Variants in TMEM248 observed in about 807,000 individuals in gnomAD.
TMEM248 encodes the protein UPF0458 protein C7orf42.
Under a neutral mutation model 30.3 loss-of-function variants are expected in TMEM248, and 9 were observed. The ratio of observed to expected loss-of-function variants is 0.30; its 90% CI spans 0.18 to 0.52. The LOEUF (loss-of-function observed/expected upper bound fraction) is 0.52, where lower values mean the gene tolerates loss of function less well. Ranked by LOEUF, TMEM248 falls within the 20% of genes least tolerant of loss-of-function variation. TMEM248 has a pLI of 0.97. For synonymous variants in TMEM248, 184 were observed against 154.4 expected, an observed-to-expected ratio of 1.19 and a Z score of -1.42; for missense variants, 338 against 403.3, an observed-to-expected ratio of 0.84 and a Z score of 1.39.
chr7:66,951,522 TG>T (rs1024040782), intron 5 of TMEM248, among the ~76,000 whole-genome samples: 4 of 152,138 alleles, frequency 2.6e-5, no homozygotes, highest in African/African-American at 7.2e-5. Flanking sequence ...CTTAGAGTTC[TG>T]AAAGATAGAA....
At position 66,928,181 on chromosome 7, in the gene TMEM248, C is replaced by G. The variant is rs560948350; in HGVS notation, c.-19+6720C>G. ...AGTGAGCTGAGATTGTGCCATTGCACTCCAGCCTGGGTGATGAGAGTGAAA... is the reference window on the plus strand; with the variant it reads ...AGTGAGCTGAGATTGTGCCATTGCAGTCCAGCCTGGGTGATGAGAGTGAAA... On this transcript the variant is annotated intron_variant, in intron 1 of 6. Coordinates refer to ENST00000341567, the MANE Select transcript of TMEM248 (RefSeq NM_017994.5). Among the ~76,000 whole-genome samples the G allele has an allele frequency of 1.2e-3, 180 of 152,156 alleles. 1 individual carries two copies. Among genetic ancestry groups the G allele is most frequent in the African/African-American group, 4.2e-3 (173 of 41,496 alleles).
rs1450123424 is a variant in TMEM248 at position 66,956,690 on chromosome 7, T to G, written c.*1168T>G. The G allele has an allele frequency of 6.6e-6, 1 of 151,952 alleles. No individual in the cohort carries two copies. Among genetic ancestry groups the G allele is most frequent in the Non-Finnish European group, 1.5e-5 (1 of 67,956 alleles). 9.4% of individuals were successfully genotyped at this position (151,952 alleles called of 1,614,324 possible). A position where few individuals can be genotyped will look rare whatever the true frequency, so the allele number is the denominator to read the frequency against. On this transcript the variant is annotated 3_prime_UTR_variant, in exon 7 of 7. Coordinates refer to ENST00000341567, the MANE Select transcript of TMEM248 (RefSeq NM_017994.5). ...TTCTTATAACTTTTTTTCTTTTTCT[T>G]TTTTTTTGGAGGGGGGAGGCAGGGT...
intron 6 of TMEM248, among the ~76,000 whole-genome samples, chr7:66,953,861 C>T (rs1385446347): frequency 6.6e-6 from 1 of 151,948 alleles, no homozygotes; most frequent in African/African-American, 2.4e-5. Flanking sequence ...CCGCCTTGGC[C>T]TCCCAAAGTG....
At chr7:66,923,186 C>A (rs918198805) in intron 1 of TMEM248, among the ~76,000 whole-genome samples, 1 of 151,702 alleles carries the variant, frequency 6.6e-6, no homozygotes, top group Admixed American at 6.6e-5. Flanking sequence ...TGCTCTGTTG[C>A]CTAGGCTGGA....
intron 1 of TMEM248, among the ~76,000 whole-genome samples, chr7:66,938,260 T>A (rs1201536163): frequency 6.6e-6 from 1 of 152,184 alleles, no homozygotes; most frequent in African/African-American, 2.4e-5. Context: ...CCTTCCTGTC[T>A]TCATTTTAGT....
At chr7:66,927,355 T>C (rs779082100) in intron 1 of TMEM248, among the ~76,000 whole-genome samples, 1 of 152,180 alleles carries the variant, frequency 6.6e-6, no homozygotes, top group Non-Finnish European at 1.5e-5. Flanking sequence ...CCTTTCCTTT[T>C]GTCTTTATGA....
At chr7:66,925,871 G>A (rs1791509413) in intron 1 of TMEM248, among the ~76,000 whole-genome samples, 1 of 151,690 alleles carries the variant, frequency 6.6e-6, no homozygotes, top group Non-Finnish European at 1.5e-5. Context: ...TTGAACTCCT[G>A]ACCTCATAAT....
At chr7:66,942,052 C>CT in intron 2 of TMEM248, 28 bp downstream of exon 2, 1 of 1,604,260 alleles carries the variant, frequency 6.2e-7, no homozygotes, top group Non-Finnish European at 8.5e-7. Flanking sequence ...TTCTCCCGGG[C>CT]TGGCTGGTCC....
At chr7:66,944,464 G>C (rs932928551) in intron 2 of TMEM248, among the ~76,000 whole-genome samples, 11 of 152,182 alleles carry the variant, frequency 7.2e-5, no homozygotes, top group Admixed American at 7.2e-4. Context: ...AAGAAGGGGG[G>C]CAGTGTCCCA....
chr7:66,923,617 A>G (rs1791445917), intron 1 of TMEM248, among the ~76,000 whole-genome samples: 1 of 152,214 alleles, frequency 6.6e-6, no homozygotes, highest in Non-Finnish European at 1.5e-5. Context: ...TAAGGGTTAA[A>G]TGCTTTTCTA....
At chr7:66,952,158 C>T (rs1375317636) in intron 5 of TMEM248, among the ~76,000 whole-genome samples, 6 of 152,098 alleles carry the variant, frequency 3.9e-5, no homozygotes, top group Non-Finnish European at 4.4e-5. Context: ...GGCACAATCT[C>T]GGTTCGTTGC....
At chr7:66,941,561 AACACACACACACACACAC>A (rs72442084) in intron 1 of TMEM248, among the ~76,000 whole-genome samples, 2 of 142,696 alleles carry the variant, frequency 1.4e-5, no homozygotes, top group African/African-American at 2.6e-5. Flanking sequence ...TGTTTCTTAA[AACACACACACACACACAC>A]ACACACACAC....
At chr7:66,929,110 C>T (rs1417372115) in intron 1 of TMEM248, among the ~76,000 whole-genome samples, 2 of 152,170 alleles carry the variant, frequency 1.3e-5, no homozygotes, top group Non-Finnish European at 2.9e-5. Context: ...TTATGCAAAC[C>T]TATATCATTT....
chr7:66,951,091 G>C lies in TMEM248; in HGVS notation c.736G>C (p.Val246Leu). Reference sequence around the variant, plus strand: ...GTGTTATAAGGGGGCCATTGGAAAAGTCTATCATGCTTTAAATCCCAAGCT... The same window carrying C: ...GTGTTATAAGGGGGCCATTGGAAAACTCTATCATGCTTTAAATCCCAAGCT... ...FWCYKGAIGK[V>L]YHALNPKLTV... Residue 246 changes from valine to leucine, a missense_variant, in exon 5 of 7, where the codon GTC (valine) becomes CTC (leucine). By Grantham distance (32) the Val-to-Leu change is conservative (BLOSUM62 1). Coordinates refer to ENST00000341567, the MANE Select transcript of TMEM248 (RefSeq NM_017994.5). The C allele has an allele frequency of 1.2e-6, 2 of 1,606,700 alleles. No homozygotes were observed. The highest frequency in any genetic ancestry group is 1.7e-6 in the Non-Finnish European group (2 of 1,177,394).
intron 1 of TMEM248, among the ~76,000 whole-genome samples, chr7:66,923,676 G>T (rs1033742412): frequency 2.0e-5 from 3 of 151,976 alleles, no homozygotes; most frequent in African/African-American, 4.8e-5. Context: ...AGATTTCTGG[G>T]TTTTTTTGTT....
At chr7:66,943,898 G>A (rs1028704759) in intron 2 of TMEM248, among the ~76,000 whole-genome samples, 1 of 151,662 alleles carries the variant, frequency 6.6e-6, no homozygotes, top group African/African-American at 2.4e-5. Context: ...CCCTTCAAAC[G>A]ATTTTCGTGC....
In TMEM248 at chr7:66,950,935, C is replaced by CTCCTCTTCTCCTGCA; in HGVS notation, c.597-16_597-2dup. On this transcript the variant is annotated splice_polypyrimidine_tract_variant and intron_variant, in intron 4 of 6. Transcript: ENST00000341567. ...GGCCACTGAGCACGTGTCTTTCCTC[C>CTCCTCTTCTCCTGCA]TCCTCTTCTCCTGCAGACAGCCACC... is the stretch of plus-strand genomic sequence containing the variant. 2 of 1,538,418 alleles carry CTCCTCTTCTCCTGCA rather than the reference C, an allele frequency of 1.3e-6. No homozygotes were observed. The highest frequency in any genetic ancestry group is 1.8e-6 in the Non-Finnish European group (2 of 1,141,762).
At chr7:66,928,428 C>G (rs1791578547) in intron 1 of TMEM248, among the ~76,000 whole-genome samples, 1 of 151,506 alleles carries the variant, frequency 6.6e-6, no homozygotes, top group Non-Finnish European at 1.5e-5. Flanking sequence ...TGAATTAAGT[C>G]AGAATCCATT....
intron 3 of TMEM248, among the ~76,000 whole-genome samples, chr7:66,947,653 C>T (rs1305642877): frequency 1.3e-5 from 2 of 152,208 alleles, no homozygotes; most frequent in African/African-American, 4.8e-5. Flanking sequence ...CCGCCCGCCT[C>T]AGCCTCCCAA....
Sources: gnomAD v4.1 joint callset for allele counts (sites outside exome capture counted in the v4.1 genomes callset) on GRCh38, gnomAD v4.1.1 for gene constraint, MANE v1.5 for transcripts, NCBI Gene and HGNC (gene_info 2026-07-23, HGNC 2026-07-21) for gene names.